Variants in SLC30A9 observed in about 807,000 individuals in gnomAD.
SLC30A9 encodes the protein solute carrier family 30 member 9, also known as proton-coupled zinc antiporter SLC30A9, mitochondrial.
A neutral mutation model predicts 87.5 loss-of-function variants in SLC30A9; 58 were observed. The ratio of observed to expected loss-of-function variants is 0.66; its 90% CI spans 0.54 to 0.82. SLC30A9 has a LOEUF of 0.82. Among genes scored for constraint, SLC30A9 ranks in the 40% least tolerant of loss-of-function variants. SLC30A9 has a pLI of 0.00. For missense variants in SLC30A9, 557 were observed against 679.1 expected (o/e 0.82, Z 2.00); for synonymous variants, 234 against 233.0 (o/e 1.00, Z -0.04).
chr4:41,997,457 G>A (rs116481445), intron 1 of SLC30A9, among the ~76,000 whole-genome samples: 3,233 of 151,780 alleles, frequency 0.021, 119 homozygotes, highest in African/African-American at 0.072. Flanking sequence ...ATTATTATGG[G>A]CATTTTTTTT....
chr4:42,063,786 C>T (rs530255662), intron 11 of SLC30A9, among the ~76,000 whole-genome samples: 38 of 152,138 alleles, frequency 2.5e-4, no homozygotes, highest in Non-Finnish European at 3.5e-4. Flanking sequence ...GGAGATTACC[C>T]TGCTTGGCTG....
chr4:42,065,443 GA>G, intron 12 of SLC30A9, 94 bp downstream of exon 12: 1 of 760,550 alleles, frequency 1.3e-6, no homozygotes, highest in African/African-American at 1.7e-5. Flanking sequence ...GTTGATTAAA[GA>G]AAAGCAAGTG....
rs1391067988 is a variant in SLC30A9, at chr4:42,089,473, G to T, written c.*3347G>T. On this transcript the variant is annotated 3_prime_UTR_variant, in exon 18 of 18. Transcript: ENST00000264451. ...GAGTTTCGTTCTTGTTGCCCAGGCT[G>T]GAGTGCACTGGCACAATTGCAGCTC... 6.6e-6 allele frequency: 1 copy of T among 151,974 alleles called. No individual in the cohort carries two copies. Among genetic ancestry groups the T allele is most frequent in the Non-Finnish European group, 1.5e-5 (1 of 68,030 alleles). The allele number at this position is 151,974 out of a possible 1,614,324, so 9.4% of individuals were successfully genotyped here.
intron 2 of SLC30A9, 78 bp from the exon 3 acceptor site, chr4:42,018,033 C>T: frequency 1.4e-6 from 1 of 723,838 alleles, no homozygotes; most frequent in Non-Finnish European, 2.4e-6. Context: ...TGCTATATTA[C>T]ATTGGCTAAT....
intron 2 of SLC30A9, among the ~76,000 whole-genome samples, chr4:42,002,220 C>T (rs75791594): frequency 6.6e-6 from 1 of 151,720 alleles, no homozygotes; most frequent in East Asian, 1.9e-4. Flanking sequence ...TAATTATAGC[C>T]TCCTTTCTGC....
intron 2 of SLC30A9, among the ~76,000 whole-genome samples, chr4:42,013,627 A>G (rs1178060931): frequency 2.0e-5 from 3 of 152,252 alleles, no homozygotes; most frequent in South Asian, 2.1e-4. Flanking sequence ...AGATGTGCCA[A>G]AAACATACAT....
chr4:41,996,985 G>A (rs1577675152), intron 1 of SLC30A9, among the ~76,000 whole-genome samples: 1 of 151,756 alleles, frequency 6.6e-6, no homozygotes, highest in African/African-American at 2.4e-5. Context: ...AGTGAGCTGA[G>A]ATCACGCCAC....
Position 42,067,099 on chromosome 4 carries a change from G to A in SLC30A9, c.1159G>A (p.Asp387Asn). 6.2e-7 allele frequency: 1 copy of A among 1,610,084 alleles called. No homozygotes were observed. The highest frequency in any genetic ancestry group is 2.2e-5 in the East Asian group (1 of 44,686). The change falls in exon 14 of 18, where the codon GAT (aspartate) becomes AAT (asparagine). Residue 387 changes from aspartate (D) to asparagine (N), a missense_variant. Around this residue, in one of 2 missense-constraint regions of SLC30A9, gnomAD observed 467 missense variants for 529.8 expected, o/e 0.88. Coordinates refer to ENST00000264451, the MANE Select transcript of SLC30A9 (RefSeq NM_006345.4). ...SFYKYVMESR[D>N]PSTNVILLED... is the part of the protein sequence containing the mutation. Reference sequence around the variant, plus strand: ...CCAATGACTAGTAATGGAAAGTCGTGATCCTAGTACAAATGTGATATTATT... The same window carrying A: ...CCAATGACTAGTAATGGAAAGTCGTAATCCTAGTACAAATGTGATATTATT...
chr4:42,040,330 G>A (rs1481863139), intron 8 of SLC30A9, among the ~76,000 whole-genome samples: 1 of 152,172 alleles, frequency 6.6e-6, no homozygotes, highest in Non-Finnish European at 1.5e-5. Context: ...GCTTAACATA[G>A]TACCTGCTCT....
intron 1 of SLC30A9, among the ~76,000 whole-genome samples, chr4:41,993,765 A>G (rs1329051737): frequency 2.6e-5 from 4 of 152,238 alleles, no homozygotes; most frequent in Non-Finnish European, 4.4e-5. Context: ...TATTATAGTA[A>G]TAAATTGGTA....
chr4:42,017,982 A>G lies in SLC30A9; in HGVS notation c.275-129A>G, dbSNP rs147011520. The G allele has an allele frequency of 4.3e-3, 2,498 of 576,438 alleles. 9 individuals carry two copies. Among genetic ancestry groups the G allele is most frequent in the Non-Finnish European group, 6.1e-3 (1,963 of 320,500 alleles). The allele number at this position is 576,438 out of a possible 1,614,324, so 35.7% of individuals were successfully genotyped here. A position where few individuals can be genotyped will look rare whatever the true frequency, so the allele number is the denominator to read the frequency against. On this transcript the variant is annotated intron_variant, in intron 2 of 17. Transcript: ENST00000264451. ...GTTTAACTACTCTTACATTCTTAAGATGAATCCAACATGGTCTGATACATT... is the reference window on the plus strand; with the variant it reads ...GTTTAACTACTCTTACATTCTTAAGGTGAATCCAACATGGTCTGATACATT...
At chr4:42,030,213 T>C in intron 6 of SLC30A9, 3 of 337,962 alleles carry the variant, frequency 8.9e-6, no homozygotes, top group Non-Finnish European at 1.6e-5. Context: ...GTCATATGTA[T>C]GGGACCTACA....
chr4:42,042,810 A>C (rs1263907102), intron 8 of SLC30A9, among the ~76,000 whole-genome samples: 3 of 152,040 alleles, frequency 2.0e-5, no homozygotes, highest in Non-Finnish European at 4.4e-5. Context: ...ATCAACAGAC[A>C]CCTCATACAG....
chr4:42,062,947 T>C, intron 10 of SLC30A9, 39 bp from the exon 11 acceptor site: 1 of 1,573,552 alleles, frequency 6.4e-7, no homozygotes, highest in Non-Finnish European at 8.7e-7. Flanking sequence ...AAGAAACCAT[T>C]TGTATTTCTT....
At chr4:42,030,008 C>A in intron 6 of SLC30A9, 3 of 875,852 alleles carry the variant, frequency 3.4e-6, no homozygotes, top group South Asian at 1.3e-5. Context: ...AGTTCACCAA[C>A]CTTACCATGG....
intron 1 of SLC30A9, among the ~76,000 whole-genome samples, chr4:42,000,485 CA>C: frequency 6.6e-6 from 1 of 151,910 alleles, no homozygotes; most frequent in Non-Finnish European, 1.5e-5. Flanking sequence ...CACAAATGAC[CA>C]AAAACATTAT....
intron 11 of SLC30A9, among the ~76,000 whole-genome samples, chr4:42,063,388 A>C (rs1717943209): frequency 6.6e-6 from 1 of 152,218 alleles, no homozygotes; most frequent in South Asian, 2.1e-4. Flanking sequence ...CAGTTCCACT[A>C]ATTTCTCCAG....
chr4:42,067,293 C>A, intron 14 of SLC30A9, 101 bp downstream of exon 14: 1 of 706,986 alleles, frequency 1.4e-6, no homozygotes, highest in Non-Finnish European at 2.4e-6. Flanking sequence ...ATTAAACCAA[C>A]AAATTGTTAA....
At chr4:42,062,457 C>G (rs1717896133) in intron 10 of SLC30A9, among the ~76,000 whole-genome samples, 1 of 152,090 alleles carries the variant, frequency 6.6e-6, no homozygotes, top group Non-Finnish European at 1.5e-5. Flanking sequence ...ACCCAGAAAA[C>G]TGAAGGTCTT....
Sources: allele counts gnomAD v4.1 joint callset (sites outside exome capture counted in the v4.1 genomes callset), GRCh38; gene constraint gnomAD v4.1.1; regional missense constraint gnomAD v4.1.1; transcripts MANE v1.5; gene names NCBI Gene and HGNC (gene_info 2026-07-23, HGNC 2026-07-21).